Variants in VEGFC observed in about 807,000 individuals in gnomAD.
The protein encoded by VEGFC is FLT4 ligand DHM.
In VEGFC, 12 loss-of-function variants were observed where a neutral mutation model predicts 46.1. The ratio of observed to expected loss-of-function variants is 0.26; its 90% confidence interval spans 0.17 to 0.42. The LOEUF is 0.42. Among genes scored for constraint, VEGFC ranks in the 10% least tolerant of loss-of-function variants. The pLI, the probability that VEGFC is intolerant of heterozygous loss-of-function variation, is 1.00. For synonymous variants in VEGFC, 232 were observed against 195.5 expected, an observed-to-expected ratio of 1.19 and a Z score of -1.56; for missense variants, 488 against 529.4, an observed-to-expected ratio of 0.92 and a Z score of 0.77.
intron 4 of VEGFC, 42 bp downstream of exon 4, chr4:176,711,457 T>C (rs747518311): frequency 1.3e-6 from 2 of 1,562,176 alleles, no homozygotes; most frequent in South Asian, 2.4e-5. Context: ...TAATTTAATA[T>C]TAGTAGAGGA....
chr4:176,719,629 C>G (rs1734750013), intron 3 of VEGFC, among the ~76,000 whole-genome samples: 1 of 152,158 alleles, frequency 6.6e-6, no homozygotes, highest in Non-Finnish European at 1.5e-5. Flanking sequence ...GTTGATTTCG[C>G]TTGCTAATTT....
At position 176,787,723 on chromosome 4, in the gene VEGFC, C is replaced by T. The variant is rs765531274; in HGVS notation, c.147+4442G>A. ...ACTCTGAAAAAAAAAATTAATCAAC[C>T]GAGGAAAGAAGCCACCCCAAAAATT... On this transcript the variant is annotated intron_variant, in intron 1 of 6. Coordinates refer to ENST00000618562, the MANE Select transcript of VEGFC (RefSeq NM_005429.5). 5.9e-5 allele frequency among the ~76,000 whole-genome samples: 9 copies of T among 151,756 alleles called. 1 individual carries two copies. Among genetic ancestry groups the T allele is most frequent in the Admixed American group, 1.3e-4 (2 of 15,218 alleles).
intron 1 of VEGFC, among the ~76,000 whole-genome samples, chr4:176,777,718 G>A (rs997530829): frequency 7.4e-5 from 11 of 148,980 alleles, no homozygotes; most frequent in Admixed American, 5.9e-4. Flanking sequence ...TCAGGAGATC[G>A]AGACCATCCT....
chr4:176,763,993 T>C (rs1182898964), intron 1 of VEGFC, among the ~76,000 whole-genome samples: 1 of 152,060 alleles, frequency 6.6e-6, no homozygotes, highest in Admixed American at 6.6e-5. Flanking sequence ...AACGGCACAA[T>C]AATTATCAAG....
In VEGFC at chr4:176,729,537, C is replaced by T; in HGVS notation, c.357G>A (p.Leu119=). ...CATTTTATTTCCCATACTTACTTTT[C>T]AAGATCTCTGTATTATAATGTGCTG... ...FAAAHYNTEI[L]KSIDNEWRKT... The change falls in exon 2 of 7, where the codon TTG becomes TTA. Residue 119 remains leucine, a synonymous_variant. Coordinates refer to ENST00000618562, the MANE Select transcript of VEGFC (RefSeq NM_005429.5). 1.2e-6 allele frequency: 2 copies of T among 1,611,562 alleles called. No homozygotes were observed. Among genetic ancestry groups the T allele is most frequent in the Non-Finnish European group, 1.7e-6 (2 of 1,179,188 alleles).
chr4:176,684,025 T>A lies in VEGFC; in HGVS notation c.1161A>T (p.Pro387=), dbSNP rs779630061. The A allele has an allele frequency of 6.2e-7, 1 of 1,614,190 alleles. No homozygotes were observed. Among genetic ancestry groups the A allele is most frequent in the Non-Finnish European group, 8.5e-7 (1 of 1,179,998 alleles). The part of the protein sequence containing the change: ...HHQTCSCYRR[P]CTNRQKACEP... ...CACAAGCCTTCTGGCGGTTCGTACATGGCCGTCTGTAACAGCTAGGAGAAC... is the reference window on the plus strand; with the variant it reads ...CACAAGCCTTCTGGCGGTTCGTACAAGGCCGTCTGTAACAGCTAGGAGAAC... Residue 387 remains proline, a synonymous_variant, in exon 7 of 7, where the codon CCA becomes CCT. Transcript: ENST00000618562.
intron 4 of VEGFC, among the ~76,000 whole-genome samples, chr4:176,692,425 A>C (rs1344193830): frequency 8.2e-6 from 1 of 121,896 alleles, no homozygotes; most frequent in Non-Finnish European, 1.6e-5. Context: ...CAAAAAAAAA[A>C]CAAAAAACGG....
chr4:176,696,155 A>G (rs1204279076), intron 4 of VEGFC, among the ~76,000 whole-genome samples: 5 of 141,382 alleles, frequency 3.5e-5, no homozygotes, highest in South Asian at 2.4e-4. Context: ...AGGAGAAGGA[A>G]ATAAAGGGTA....
chr4:176,780,915 G>A (rs1455918098), intron 1 of VEGFC, among the ~76,000 whole-genome samples: 1 of 152,126 alleles, frequency 6.6e-6, no homozygotes, highest in Non-Finnish European at 1.5e-5. Context: ...GTCACTGTGT[G>A]CTATATTATA....
chr4:176,771,253 T>A (rs6850777), intron 1 of VEGFC, among the ~76,000 whole-genome samples: 125,488 of 152,018 alleles, frequency 0.83, 53,372 homozygotes, highest in East Asian at 1. Context: ...ATTTAAATAA[T>A]ATAAACTGGC....
chr4:176,692,002 AG>A (rs1734190802), intron 4 of VEGFC, among the ~76,000 whole-genome samples: 1 of 152,104 alleles, frequency 6.6e-6, no homozygotes, highest in Non-Finnish European at 1.5e-5. Flanking sequence ...ACAAGTGGTC[AG>A]GGAGTTCCCT....
At chr4:176,778,127 C>T (rs17063741) in intron 1 of VEGFC, among the ~76,000 whole-genome samples, 16,653 of 151,728 alleles carry the variant, frequency 0.11, 2,273 homozygotes, top group African/African-American at 0.32. Flanking sequence ...ATTTTTTTCC[C>T]CACAATTATG....
intron 1 of VEGFC, among the ~76,000 whole-genome samples, chr4:176,775,588 T>C (rs1395426194): frequency 6.6e-6 from 1 of 151,646 alleles, no homozygotes; most frequent in Non-Finnish European, 1.5e-5. Context: ...ATAGGCCATG[T>C]ATTGTATTTC....
chr4:176,770,752 A>G (rs1395362089), intron 1 of VEGFC, among the ~76,000 whole-genome samples: 3 of 152,138 alleles, frequency 2.0e-5, no homozygotes, highest in Non-Finnish European at 4.4e-5. Context: ...ACAGAGTTCA[A>G]TACAAGCTAT....
intron 1 of VEGFC, among the ~76,000 whole-genome samples, chr4:176,743,826 C>T (rs999739831): frequency 6.6e-6 from 1 of 151,712 alleles, no homozygotes; most frequent in Non-Finnish European, 1.5e-5. Context: ...CCTTTCTAAC[C>T]TCTTCATAAT....
intron 1 of VEGFC, among the ~76,000 whole-genome samples, chr4:176,731,435 C>T (rs1350915412): frequency 1.3e-5 from 2 of 151,846 alleles, no homozygotes; most frequent in Non-Finnish European, 2.9e-5. Context: ...GCATCACATA[C>T]CTTAAATATA....
At chr4:176,729,166 C>G (rs1224420064) in intron 2 of VEGFC, among the ~76,000 whole-genome samples, 1 of 152,130 alleles carries the variant, frequency 6.6e-6, no homozygotes, top group East Asian at 1.9e-4. Context: ...AAGCATTTCT[C>G]AATCCAAATC....
intron 4 of VEGFC, among the ~76,000 whole-genome samples, chr4:176,704,760 A>T (rs778524667): frequency 2.6e-5 from 4 of 152,162 alleles, no homozygotes; most frequent in African/African-American, 7.2e-5. Flanking sequence ...AGTAGTTCTC[A>T]AGAGACTTTA....
intron 3 of VEGFC, among the ~76,000 whole-genome samples, chr4:176,726,207 T>C (rs112731054): frequency 1.1e-3 from 166 of 152,300 alleles, no homozygotes; most frequent in Admixed American, 1.5e-3. Flanking sequence ...ATTGTCATGT[T>C]CCTACAACTG....
Sources: gnomAD v4.1 joint callset for allele counts (sites outside exome capture counted in the v4.1 genomes callset) on GRCh38, gnomAD v4.1.1 for gene constraint, MANE v1.5 for transcripts, NCBI Gene and HGNC (gene_info 2026-07-23, HGNC 2026-07-21) for gene names.